The following AQR variants were observed in gnomAD, a reference collection of about 807,000 sequenced individuals.
AQR encodes the protein RNA helicase aquarius.
Under a neutral mutation model 180.5 loss-of-function variants are expected in AQR, and 61 were observed. That is an observed-to-expected ratio of 0.34 (90% CI 0.28 to 0.42). The LOEUF (loss-of-function observed/expected upper bound fraction) is 0.42. Among genes scored for constraint, AQR ranks in the 10% least tolerant of loss-of-function variants. The pLI is 1.00. For synonymous variants in AQR, 551 were observed against 588.8 expected (o/e 0.94, Z 0.93); for missense variants, 1,281 against 1,798.3 (o/e 0.71, Z 5.20).
At chr15:34,925,725 C>T (rs541307455) in intron 13 of AQR, among the ~76,000 whole-genome samples, 17 of 149,492 alleles carry the variant, frequency 1.1e-4, no homozygotes, top group Non-Finnish European at 1.3e-4. Context: ...CCCAGCTATT[C>T]GGGAGGCTGA....
Position 34,969,701 on chromosome 15 carries a change from G to A in AQR, c.-88C>T, listed in dbSNP as rs961050829. ...GGTCCACTTCCCTTAAGTTACTGCC[G>A]GGGCGCTTAACTCCGCGCCGCACAA... On this transcript the variant is annotated 5_prime_UTR_variant, in exon 1 of 35. Coordinates refer to ENST00000156471, the MANE Select transcript of AQR (RefSeq NM_014691.3). 1 of 1,378,978 alleles carries A rather than the reference G, an allele frequency of 7.3e-7. No homozygotes were observed. The highest frequency in any genetic ancestry group is 9.8e-7 in the Non-Finnish European group (1 of 1,019,118). 85.4% of individuals were successfully genotyped at this position (1,378,978 alleles called of 1,614,324 possible).
intron 27 of AQR, among the ~76,000 whole-genome samples, chr15:34,881,840 C>CA (rs1892977576): frequency 6.6e-6 from 1 of 152,146 alleles, no homozygotes; most frequent in African/African-American, 2.4e-5. Context: ...GAGTCTCACT[C>CA]TGTTGCCCAG....
chr15:34,878,550 G>T (rs1595784131), intron 27 of AQR, among the ~76,000 whole-genome samples: 1 of 152,090 alleles, frequency 6.6e-6, no homozygotes, highest in South Asian at 2.1e-4. Flanking sequence ...GTTCATTTTT[G>T]TTATCATTCT....
intron 18 of AQR, among the ~76,000 whole-genome samples, chr15:34,905,831 G>A (rs966851097): frequency 1.3e-5 from 2 of 152,138 alleles, no homozygotes; most frequent in Admixed American, 1.3e-4. Flanking sequence ...CTGTCCCAGA[G>A]TTCGAGACCA....
Position 34,900,881 on chromosome 15 carries a change from G to A in AQR, c.2002-18C>T. On this transcript the variant is annotated intron_variant, in intron 19 of 34. Coordinates refer to ENST00000156471, the MANE Select transcript of AQR (RefSeq NM_014691.3). ...AGCACAGCCTGTCAGTAAAAGGACA[G>A]AAAAAGATTGTGTCAGTATGACATC... 6.4e-7 allele frequency: 1 copy of A among 1,567,812 alleles called. No homozygotes were observed. Among genetic ancestry groups the A allele is most frequent in the Admixed American group, 1.8e-5 (1 of 55,518 alleles).
Position 34,852,524 on chromosome 15 carries a change from A to C in AQR, c.*4268T>G, listed in dbSNP as rs1348604226. ...TATCTTATTAAAACAAATGAACAAA[A>C]AGTTTCCCAAACTGTGTTCTAAGGA... On this transcript the variant is annotated 3_prime_UTR_variant, in exon 35 of 35. Coordinates refer to ENST00000156471, the MANE Select transcript of AQR (RefSeq NM_014691.3). 1 of 152,168 alleles carries C rather than the reference A, an allele frequency of 6.6e-6. No individual in the cohort carries two copies. The highest frequency in any genetic ancestry group is 1.9e-4 in the East Asian group (1 of 5,198). 9.4% of individuals were successfully genotyped at this position (152,168 alleles called of 1,614,324 possible).
chr15:34,959,387 CTACTTACTGGGCTTGA>C lies in AQR; in HGVS notation c.173+1371_173+1386del, dbSNP rs1215380583. ...CCATGTTGCTCAGGCTGGTCCTGAA[CTACTTACTGGGCTTGA>C]ACAATCCACCCACCTCGGCCTCCCA... On this transcript the variant is annotated intron_variant, in intron 3 of 34. Transcript: ENST00000156471. Among the ~76,000 whole-genome samples the C allele has an allele frequency of 3.9e-5, 6 of 152,252 alleles. No homozygotes were observed. In the South Asian group the frequency reaches 1.2e-3, roughly 32 times the overall value.
At chr15:34,904,290 A>T in intron 19 of AQR, 46 bp downstream of exon 19, 1 of 1,368,396 alleles carries the variant, frequency 7.3e-7, no homozygotes. Context: ...CATAAAAGTT[A>T]CTTAAATTAT....
In AQR at chr15:34,950,084, C is replaced by CTTTT. The variant is rs1174370425; in HGVS notation, c.210-1704_210-1701dup. 1.5e-3 allele frequency among the ~76,000 whole-genome samples: 108 copies of CTTTT among 74,062 alleles called. 5 individuals carry two copies. The highest frequency in any genetic ancestry group is 1.6e-3 in the Non-Finnish European group (72 of 43,716). 48.6% of individuals were successfully genotyped at this position (74,062 alleles called of 152,430 possible). A position where few individuals can be genotyped will look rare whatever the true frequency, so the allele number is the denominator to read the frequency against. On this transcript the variant is annotated intron_variant, in intron 4 of 34. Coordinates refer to ENST00000156471, the MANE Select transcript of AQR (RefSeq NM_014691.3). ...ATTTTTACTTCTCTTTGCTATTTTCCTTTTTTTTTTTTTTTTTTTTTTTTG... is the reference window on the plus strand; with the variant it reads ...ATTTTTACTTCTCTTTGCTATTTTCCTTTTTTTTTTTTTTTTTTTTTTTTTTTTG...
intron 16 of AQR, 150 bp downstream of exon 16, chr15:34,914,888 T>C: frequency 2.4e-6 from 2 of 834,346 alleles, no homozygotes; most frequent in East Asian, 6.0e-5. Context: ...TAATTCACAT[T>C]TAAAAATGTC....
chr15:34,880,006 A>C (rs575933586), intron 27 of AQR, among the ~76,000 whole-genome samples: 1 of 152,292 alleles, frequency 6.6e-6, no homozygotes, highest in African/African-American at 2.4e-5. Context: ...TTATCACTGA[A>C]ATTTCAGAAC....
intron 10 of AQR, among the ~76,000 whole-genome samples, chr15:34,933,367 A>G (rs1356728433): frequency 2.0e-5 from 3 of 152,196 alleles, no homozygotes; most frequent in Non-Finnish European, 2.9e-5. Context: ...TCTCTCATTA[A>G]TGAGAGAAAG....
At chr15:34,875,886 A>G (rs936500556) in intron 28 of AQR, 49 bp downstream of exon 28, 14 of 1,439,946 alleles carry the variant, frequency 9.7e-6, no homozygotes, top group Non-Finnish European at 1.1e-5. Context: ...TGCTGTCCTC[A>G]GCATTCTTAG....
At chr15:34,943,101 C>T (rs777585258) in intron 6 of AQR, 34 of 1,611,612 alleles carry the variant, frequency 2.1e-5, no homozygotes, top group East Asian at 8.9e-5. Flanking sequence ...CCCTAAAACC[C>T]GCCGGACTTT....
intron 12 of AQR, 110 bp from the exon 13 acceptor site, chr15:34,927,248 C>T (rs1363803667): frequency 1.8e-6 from 1 of 553,732 alleles, no homozygotes; most frequent in Non-Finnish European, 2.8e-6. Flanking sequence ...ATTTCTGTCT[C>T]TTATATGCTT....
chr15:34,936,932 G>A (rs961850927), intron 9 of AQR, among the ~76,000 whole-genome samples: 1 of 152,102 alleles, frequency 6.6e-6, no homozygotes, highest in Non-Finnish European at 1.5e-5. Flanking sequence ...TATTCTTTGT[G>A]CCAAGAAAAC....
intron 16 of AQR, among the ~76,000 whole-genome samples, chr15:34,914,697 G>A (rs1893554938): frequency 6.6e-6 from 1 of 151,976 alleles, no homozygotes; most frequent in African/African-American, 2.4e-5. Context: ...ACCTAGTACG[G>A]GCCTGCTTGG....
At chr15:34,876,027 T>C in intron 27 of AQR, 21 bp from the exon 28 acceptor site, 1 of 1,588,572 alleles carries the variant, frequency 6.3e-7, no homozygotes, top group South Asian at 1.1e-5. Context: ...GGAAATCTTG[T>C]CATAAAGACA....
intron 25 of AQR, among the ~76,000 whole-genome samples, chr15:34,885,185 CCT>C (rs150144863): frequency 0.013 from 2,023 of 152,220 alleles, 51 homozygotes; most frequent in African/African-American, 0.046. Context: ...ACTTGTCAAC[CCT>C]CTGTCAGTTT....
Sources: gnomAD v4.1 joint callset for allele counts (sites outside exome capture counted in the v4.1 genomes callset) on GRCh38, gnomAD v4.1.1 for gene constraint, MANE v1.5 for transcripts, NCBI Gene and HGNC (gene_info 2026-07-23, HGNC 2026-07-21) for gene names.